DDX47: variants seen among roughly 807,000 people sequenced by gnomAD.
The protein encoded by DDX47 is DEAD-box helicase 47, also known as probable ATP-dependent RNA helicase DDX47.
DDX47 carries 60 observed loss-of-function variants against 58.8 expected under a neutral mutation model. The ratio of observed to expected loss-of-function variants is 1.02; its 90% CI spans 0.83 to 1.26. The LOEUF (loss-of-function observed/expected upper bound fraction) is 1.26, where lower values mean the gene tolerates loss of function less well. Ranked by LOEUF, DDX47 falls within the 50% of genes most tolerant of loss-of-function variation. The pLI, the probability that DDX47 is intolerant of heterozygous loss-of-function variation, is 0.00. For synonymous variants in DDX47, 197 were observed against 204.6 expected, an observed-to-expected ratio of 0.96 and a Z score of 0.32; for missense variants, 530 against 573.2, an observed-to-expected ratio of 0.92 and a Z score of 0.77.
At chr12:12,826,538 GCTCAAGCAATC>G (rs1863053661) in intron 10 of DDX47, among the ~76,000 whole-genome samples, 2 of 151,962 alleles carry the variant, frequency 1.3e-5, no homozygotes, top group East Asian at 3.9e-4. Flanking sequence ...CACCCCCTGG[GCTCAAGCAATC>G]CTCCTACCTC....
chr12:12,827,758 A>G (rs1863074043), intron 11 of DDX47, among the ~76,000 whole-genome samples: 1 of 151,914 alleles, frequency 6.6e-6, no homozygotes, highest in Non-Finnish European at 1.5e-5. Context: ...TGAATACCTT[A>G]TGGGGTTTTA....
In DDX47 at chr12:12,827,869, C is replaced by CTTTTTTTTTTT. The variant is rs1354059622; in HGVS notation, c.1236+500_1236+501insTTTTTTTTTTT. Among the ~76,000 whole-genome samples, 3 of 109,708 alleles carry CTTTTTTTTTTT rather than the reference C, an allele frequency of 2.7e-5. 1 individual carries two copies. The highest frequency in any genetic ancestry group is 6.8e-5 in the African/African-American group (2 of 29,572). 72.0% of individuals were successfully genotyped at this position (109,708 alleles called of 152,430 possible). A position where few individuals can be genotyped will look rare whatever the true frequency, so the allele number is the denominator to read the frequency against. On this transcript the variant is annotated intron_variant, in intron 11 of 11. Coordinates refer to ENST00000358007, the MANE Select transcript of DDX47 (RefSeq NM_016355.4). ...TCCAAAACCAAGATCCAAAACTTTT[C>CTTTTTTTTTTT]TTTTTTCTTTTTTTTTTTTTTTTTG...
intron 9 of DDX47, 28 bp downstream of exon 9, chr12:12,824,705 T>C (rs777984556): frequency 6.2e-7 from 1 of 1,608,844 alleles, no homozygotes; most frequent in Non-Finnish European, 8.5e-7. Flanking sequence ...CTTACCTTTC[T>C]AGTCCTAAAG....
intron 5 of DDX47, 93 bp from the exon 6 acceptor site, chr12:12,822,564 TTTAG>T: frequency 1.1e-6 from 1 of 942,408 alleles, no homozygotes; most frequent in Non-Finnish European, 1.7e-6. Context: ...CAGTGATATA[TTTAG>T]TTTGTTAGTG....
chr12:12,825,682 T>C (rs6488560), intron 9 of DDX47, among the ~76,000 whole-genome samples: 115,438 of 152,078 alleles, frequency 0.76, 44,551 homozygotes, highest in African/African-American at 0.9. Flanking sequence ...ATGGGAAGGA[T>C]CAGAGCTGTA....
intron 9 of DDX47, 122 bp downstream of exon 9, chr12:12,824,799 G>C: frequency 9.4e-7 from 1 of 1,067,892 alleles, no homozygotes; most frequent in Non-Finnish European, 1.4e-6. Context: ...CAAAAAACAA[G>C]AAAGCCCTTG....
At chr12:12,814,534 C>T in intron 2 of DDX47, 1 of 289,542 alleles carries the variant, frequency 3.5e-6, no homozygotes, top group Non-Finnish European at 6.7e-6. Flanking sequence ...GGAAGGATGC[C>T]TGGAACACAT....
chr12:12,815,927 A>G (rs772581545), intron 2 of DDX47, among the ~76,000 whole-genome samples: 5 of 152,174 alleles, frequency 3.3e-5, no homozygotes, highest in Non-Finnish European at 7.3e-5. Flanking sequence ...TGGGAAACCA[A>G]TTAGTAGGTC....
At chr12:12,820,338 C>T (rs1862950974) in intron 2 of DDX47, 1 of 152,170 alleles carries the variant, frequency 6.6e-6, no homozygotes, top group Non-Finnish European at 1.5e-5. Flanking sequence ...AGTTTATCTT[C>T]CTAAACAGTA....
Position 12,813,357 on chromosome 12 carries a change from C to A in DDX47, c.-11C>A. 6.2e-7 allele frequency: 1 copy of A among 1,612,262 alleles called. No individual in the cohort carries two copies. ...CGCGCCGCAGACCCACTTCCGGAGA[C>A]CTCACACAAGATGGCGGCACCCGAG... On this transcript the variant is annotated 5_prime_UTR_variant, in exon 1 of 12. Coordinates refer to ENST00000358007, the MANE Select transcript of DDX47 (RefSeq NM_016355.4).
intron 10 of DDX47, 113 bp downstream of exon 10, chr12:12,826,183 A>G: frequency 1.3e-6 from 1 of 789,382 alleles, no homozygotes. Flanking sequence ...TCATACTGAA[A>G]ACCAGGATGA....
Position 12,814,077 on chromosome 12 carries a change from AG to A in DDX47, c.88-51del. The A allele has an allele frequency of 2.8e-6, 3 of 1,076,304 alleles. No homozygotes were observed. The Admixed American group carries it at 5.1e-5, about 18-fold the overall frequency. 66.7% of individuals were successfully genotyped at this position (1,076,304 alleles called of 1,614,324 possible). A position where few individuals can be genotyped will look rare whatever the true frequency, so the allele number is the denominator to read the frequency against. On this transcript the variant is annotated intron_variant, in intron 1 of 11. Coordinates refer to ENST00000358007, the MANE Select transcript of DDX47 (RefSeq NM_016355.4). ...TGGGTCTGACAGTCAGTTAAGTAGGAGGGAGGTAGGGGTGTGCTGTTCTTGG... is the reference window on the plus strand; with the variant it reads ...TGGGTCTGACAGTCAGTTAAGTAGGAGGAGGTAGGGGTGTGCTGTTCTTGG...
At chr12:12,817,921 TCTTTCTTATGTACTC>T (rs1328677477) in intron 2 of DDX47, among the ~76,000 whole-genome samples, 2 of 152,208 alleles carry the variant, frequency 1.3e-5, no homozygotes, top group African/African-American at 4.8e-5. Context: ...CTTCCCTAAA[TCTTTCTTATGTACTC>T]CTTTCTTCTG....
chr12:12,823,395 G>T, intron 7 of DDX47, 76 bp downstream of exon 7: 1 of 902,312 alleles, frequency 1.1e-6, no homozygotes, highest in Middle Eastern at 3.2e-4. Flanking sequence ...GTCAACTCTT[G>T]ATTAGGTAAG....
intron 2 of DDX47, 93 bp from the exon 3 acceptor site, chr12:12,821,115 A>C (rs1862962988): frequency 7.9e-7 from 1 of 1,263,998 alleles, no homozygotes; most frequent in African/African-American, 1.5e-5. Flanking sequence ...ATATTTATTA[A>C]GCGTCTACTT....
intron 2 of DDX47, chr12:12,820,319 C>T (rs1343829987): frequency 6.6e-6 from 1 of 152,218 alleles, no homozygotes; most frequent in East Asian, 1.9e-4. Flanking sequence ...CTTATGCCAT[C>T]AGGTCTAGAG....
At chr12:12,814,289 G>T (rs1365802580) in intron 2 of DDX47, 65 bp downstream of exon 2, 29 of 990,972 alleles carry the variant, frequency 2.9e-5, no homozygotes, top group Non-Finnish European at 1.6e-6. Context: ...CCTTTTGAAA[G>T]CTGTTGCTTG....
chr12:12,829,204 C>T (rs1037649660), intron 11 of DDX47, among the ~76,000 whole-genome samples: 1 of 152,200 alleles, frequency 6.6e-6, no homozygotes. Context: ...AAGTCTTTGC[C>T]AATCTGCCAT....
At chr12:12,815,118 A>G (rs1297553971) in intron 2 of DDX47, among the ~76,000 whole-genome samples, 1 of 152,186 alleles carries the variant, frequency 6.6e-6, no homozygotes, top group Non-Finnish European at 1.5e-5. Flanking sequence ...CCTCAGAGAG[A>G]GTGAATGTAA....
Sources: gnomAD v4.1 joint callset for allele counts (sites outside exome capture counted in the v4.1 genomes callset) on GRCh38, gnomAD v4.1.1 for gene constraint, MANE v1.5 for transcripts, NCBI Gene and HGNC (gene_info 2026-07-23, HGNC 2026-07-21) for gene names.